Variants in SETD1B observed in about 807,000 individuals in gnomAD.
The protein encoded by SETD1B is SET domain containing 1B, histone lysine methyltransferase.
Under a neutral mutation model 148.0 loss-of-function variants are expected in SETD1B, and 7 were observed. That is an observed-to-expected ratio of 0.05 (90% CI 0.03 to 0.09). SETD1B has a LOEUF of 0.09. Among genes scored for constraint, SETD1B ranks in the 10% least tolerant of loss-of-function variants. The pLI is 1.00. For missense variants in SETD1B, 2,155 were observed against 2,729.9 expected (o/e 0.79, Z 4.69); for synonymous variants, 1,361 against 1,186.5 (o/e 1.15, Z -3.02).
At chr12:121,821,094 G>A (rs936340929) in intron 11 of SETD1B, among the ~76,000 whole-genome samples, 2 of 152,206 alleles carry the variant, frequency 1.3e-5, no homozygotes, top group African/African-American at 4.8e-5. Context: ...AGGGACGACT[G>A]TGTTTTGTTT....
rs1053364974 is a variant in SETD1B at position 121,809,994 on chromosome 12, C to T, written c.1049C>T (p.Ser350Leu). The T allele has an allele frequency of 3.0e-5, 47 of 1,550,562 alleles. No homozygotes were observed. The highest frequency in any genetic ancestry group is 1.6e-4 in the African/African-American group (12 of 73,038). ...GCCACAGCCGCTTTCCGGGGTTCCT[C>T]GGACCTCCCGTTCGGAGCAGTCGGC... ...AGATAAFRGSSDLPFGAVGGT... is the reference protein window; with the variant it reads ...AGATAAFRGSLDLPFGAVGGT... The change falls in exon 6 of 17, where the codon TCG becomes TTG. Residue 350 changes from serine to leucine, a missense_variant. Ser to Leu is a moderately radical substitution (Grantham distance 145). Around this residue, in one of 11 missense-constraint regions of SETD1B, gnomAD observed 376 missense variants for 385.0 expected, o/e 0.98. Coordinates refer to ENST00000604567, the MANE Select transcript of SETD1B (RefSeq NM_001353345.2).
In SETD1B at chr12:121,817,730, G is replaced by C; in HGVS notation, c.3312+26G>C. 6.5e-7 allele frequency: 1 copy of C among 1,538,734 alleles called. No individual in the cohort carries two copies. Among genetic ancestry groups the C allele is most frequent in the Non-Finnish European group, 8.8e-7 (1 of 1,137,680 alleles). ...GTGCCTAGCAGGCCAGGAAGCCTCA[G>C]GGGGCCGGGCCAGGCGACGAGGGCC... On this transcript the variant is annotated intron_variant, in intron 9 of 16. Coordinates refer to ENST00000604567, the MANE Select transcript of SETD1B (RefSeq NM_001353345.2). The surrounding 1 kb of genome is among the most constrained non-coding windows in gnomAD (Gnocchi z 8.1).
rs1196745214 is a variant in SETD1B, at chr12:121,805,190, C to G, written c.247C>G (p.Leu83Val). 1 of 1,551,200 alleles carries G rather than the reference C, an allele frequency of 6.4e-7. No individual in the cohort carries two copies. The highest frequency in any genetic ancestry group is 2.0e-5 in the Admixed American group (1 of 51,014). The change falls in exon 3 of 17, where the codon CTG becomes GTG. Residue 83 changes from leucine to valine, a missense_variant. Transcript: ENST00000604567. This position sits in a 1 kb window ranked among gnomAD's most constrained non-coding sequence, Gnocchi z 4.2. Reference protein sequence around the residue: ...VVGIWTKNKELELSVPKFKID... With the variant: ...VVGIWTKNKEVELSVPKFKID... Reference sequence around the variant, plus strand: ...CGGGATCTGGACCAAAAACAAGGAGCTGGAGCTGTCGGTGCCCAAATTCAA... The same window carrying G: ...CGGGATCTGGACCAAAAACAAGGAGGTGGAGCTGTCGGTGCCCAAATTCAA...
intron 13 of SETD1B, 51 bp downstream of exon 13, chr12:121,825,417 G>A: frequency 1.3e-6 from 2 of 1,510,630 alleles, no homozygotes; most frequent in African/African-American, 1.4e-5. Flanking sequence ...TGGGCCACGG[G>A]GATCCAGGGC....
In SETD1B at chr12:121,823,286, G is replaced by A. The variant is rs1168670125; in HGVS notation, c.4707G>A (p.Thr1569=). The part of the protein sequence containing the change: ...PVFPSTHDPR[T]VTLDFRNAGI... Reference sequence around the variant, plus strand: ...TCCCCAGCACCCATGACCCCCGGACGGTGACCCTGGACTTCCGGAACGCGG... The same window carrying A: ...TCCCCAGCACCCATGACCCCCGGACAGTGACCCTGGACTTCCGGAACGCGG... Residue 1569 remains threonine (T), a synonymous_variant, in exon 12 of 17, where the codon ACG becomes ACA. Transcript: ENST00000604567. 6 of 1,549,250 alleles carry A rather than the reference G, an allele frequency of 3.9e-6. No individual in the cohort carries two copies. Among genetic ancestry groups the A allele is most frequent in the East Asian group, 2.4e-5 (1 of 40,878 alleles).
Position 121,819,714 on chromosome 12 carries a change from T to C in SETD1B, c.3729T>C (p.Pro1243=). ...EVDIETEAVA[P]EERPSMLDEP... The stretch of plus-strand genomic sequence containing the variant: ...ACATCGAGACTGAGGCTGTGGCCCC[T>C]GAGGAGCGGCCCTCCATGCTGGACG... Residue 1243 remains proline (P), a synonymous_variant, in exon 11 of 17, where the codon CCT becomes CCC. Transcript: ENST00000604567. 1 of 1,551,112 alleles carries C rather than the reference T, an allele frequency of 6.4e-7. No individual in the cohort carries two copies. Among genetic ancestry groups the C allele is most frequent in the Non-Finnish European group, 8.7e-7 (1 of 1,146,950 alleles).
intron 13 of SETD1B, among the ~76,000 whole-genome samples, chr12:121,826,016 C>G (rs993109718): frequency 6.6e-6 from 1 of 151,954 alleles, no homozygotes; most frequent in Non-Finnish European, 1.5e-5. Flanking sequence ...TGTTCTGGGT[C>G]TATAGCAGTG....
At chr12:121,797,702 C>T in the SETD1B span, 1 of 429,432 alleles carries the variant, frequency 2.3e-6, no homozygotes, top group Non-Finnish European at 4.7e-6. Flanking sequence ...GTAAAGACCC[C>T]ACCCGGAGAG....
At position 121,806,114 on chromosome 12, in the gene SETD1B, G is replaced by C. The variant is rs1592973823; in HGVS notation, c.544+9G>C. On this transcript the variant is annotated intron_variant, in intron 4 of 16. Transcript: ENST00000604567. ...GGAGCTGGACACCAAAGGTGAGCCT[G>C]GCAGGGGAGGAGCGTGGGGAGACCT... The C allele has an allele frequency of 6.5e-7, 1 of 1,550,012 alleles. No homozygotes were observed. The highest frequency in any genetic ancestry group is 8.7e-7 in the Non-Finnish European group (1 of 1,145,920).
chr12:121,822,156 C>A (rs182304173), intron 11 of SETD1B, among the ~76,000 whole-genome samples: 3 of 152,332 alleles, frequency 2.0e-5, no homozygotes, highest in Middle Eastern at 3.4e-3. Flanking sequence ...AAGGCTCCGA[C>A]AAGTCCTGCA....
intron 13 of SETD1B, among the ~76,000 whole-genome samples, chr12:121,826,876 G>A (rs943600354): frequency 3.3e-5 from 5 of 152,032 alleles, no homozygotes; most frequent in Admixed American, 1.3e-4. Context: ...TGGGAAGCTG[G>A]ACACCAGGCC....
chr12:121,807,905 G>GT (rs1875827414), intron 4 of SETD1B, among the ~76,000 whole-genome samples: 1 of 151,304 alleles, frequency 6.6e-6, no homozygotes. Flanking sequence ...TAATGCAGGG[G>GT]TGGGGGGGGG....
chr12:121,794,987 T>G, the SETD1B span, among the ~76,000 whole-genome samples: 1 of 151,996 alleles, frequency 6.6e-6, no homozygotes, highest in Non-Finnish European at 1.5e-5. Context: ...AGACTCCCAG[T>G]TTTCAAGGTC....
At chr12:121,826,379 T>A (rs1876842385) in intron 13 of SETD1B, among the ~76,000 whole-genome samples, 1 of 152,066 alleles carries the variant, frequency 6.6e-6, no homozygotes, top group South Asian at 2.1e-4. Context: ...GAAGGCGCCA[T>A]GTGGATGCCA....
At chr12:121,825,101 G>A (rs936350092) in intron 12 of SETD1B, 99 bp from the exon 13 acceptor site, 11 of 1,266,790 alleles carry the variant, frequency 8.7e-6, no homozygotes, top group Middle Eastern at 3.8e-4. Flanking sequence ...ACTGGACATC[G>A]CTGTCCCTGA....
Position 121,805,097 on chromosome 12 carries a change from C to T in SETD1B, c.175-21C>T, listed in dbSNP as rs1363990747. The T allele has an allele frequency of 2.6e-6, 4 of 1,542,990 alleles. No homozygotes were observed. The highest frequency in any genetic ancestry group is 4.9e-5 in the East Asian group (2 of 40,872). On this transcript the variant is annotated intron_variant, in intron 2 of 16. Coordinates refer to ENST00000604567, the MANE Select transcript of SETD1B (RefSeq NM_001353345.2). The surrounding 1 kb of genome is among the most constrained non-coding windows in gnomAD (Gnocchi z 4.2). ...AGGGGGACCAGTTCTCTCATCCCGG[C>T]CCCCCAATTTCTCCCCACAGATGTC...
At position 121,819,540 on chromosome 12, in the gene SETD1B, AGAGGAGGAAGAAGAG is replaced by A. The variant is rs1566555510; in HGVS notation, c.3564_3578del (p.Glu1190_Glu1194del). The A allele has an allele frequency of 3.9e-6, 6 of 1,551,418 alleles. No individual in the cohort carries two copies. In the South Asian group the frequency reaches 7.1e-5, roughly 18 times the overall value. ...ATGAGGAGGAGGTAGTGGCCAGGGA[AGAGGAGGAAGAAGAG>A]GAGGAGGAGGAGATGGTGGCCGAGG... On this transcript the variant is annotated inframe_deletion, in exon 11 of 17. Coordinates refer to ENST00000604567, the MANE Select transcript of SETD1B (RefSeq NM_001353345.2).
upstream of SETD1B, chr12:121,803,544 C>G (rs894544258): frequency 1.3e-5 from 2 of 152,230 alleles, no homozygotes; most frequent in Non-Finnish European, 2.9e-5. This position sits in a 1 kb window ranked among gnomAD's most constrained non-coding sequence, Gnocchi z 4.7. Context: ...ATTGCAACTC[C>G]TCTGAGTCGA....
At chr12:121,791,065 G>T in the SETD1B span, among the ~76,000 whole-genome samples, 1 of 151,684 alleles carries the variant, frequency 6.6e-6, no homozygotes, top group Admixed American at 6.6e-5. Context: ...GTAGAGACGG[G>T]GTTTCATCAT....
Sources: gnomAD v4.1 joint callset for allele counts (sites outside exome capture counted in the v4.1 genomes callset) on GRCh38, gnomAD v4.1.1 for gene constraint, gnomAD v4.1.1 regional missense constraint, Gnocchi (gnomAD v3.1) non-coding constraint, MANE v1.5 for transcripts, NCBI Gene and HGNC (gene_info 2026-07-23, HGNC 2026-07-21) for gene names.